Variants in ATXN3 observed in about 807,000 individuals in gnomAD.
The protein encoded by ATXN3 is ataxin-3.
ATXN3 carries 28 observed loss-of-function variants against 58.2 expected under a neutral mutation model. That is an observed-to-expected ratio of 0.48 (90% CI 0.36 to 0.66). The LOEUF (loss-of-function observed/expected upper bound fraction) is 0.66. Among genes scored for constraint, ATXN3 ranks in the 30% least tolerant of loss-of-function variants. ATXN3 has a pLI of 0.00. For synonymous variants in ATXN3, 113 were observed against 138.5 expected, an observed-to-expected ratio of 0.82 and a Z score of 1.29; for missense variants, 321 against 422.1, an observed-to-expected ratio of 0.76 and a Z score of 2.10.
At position 92,059,364 on chromosome 14, in the gene ATXN3, TATAAA is replaced by T. The variant is rs2057587525; in HGVS notation, c.*4951_*4955del. On this transcript the variant is annotated 3_prime_UTR_variant, in exon 11 of 11. Transcript: ENST00000644486. ...TTTTTTAAAGCAAAAAGATGCTGGTTATAAAGGGGCCAGAAATAAAAGAAAGTTTT... is the reference window on the plus strand; with the variant it reads ...TTTTTTAAAGCAAAAAGATGCTGGTTGGGGCCAGAAATAAAAGAAAGTTTT... The T allele has an allele frequency of 6.6e-6, 1 of 152,202 alleles. No homozygotes were observed. Among genetic ancestry groups the T allele is most frequent in the African/African-American group, 2.4e-5 (1 of 41,462 alleles). 9.4% of individuals were successfully genotyped at this position (152,202 alleles called of 1,614,324 possible). A position where few individuals can be genotyped will look rare whatever the true frequency, so the allele number is the denominator to read the frequency against.
intron 9 of ATXN3, among the ~76,000 whole-genome samples, chr14:92,078,690 T>C (rs1455477521): frequency 6.6e-6 from 1 of 152,186 alleles, no homozygotes; most frequent in Non-Finnish European, 1.5e-5. Context: ...ATTAACTAGA[T>C]AATTGATGAT....
Position 92,096,121 on chromosome 14 carries a change from A to C in ATXN3, c.206T>G (p.Met69Arg), listed in dbSNP as rs2065170762. ...RTFLQQPSGN[M>R]DDSGFFSIQV... is the part of the protein sequence containing the mutation. ...AATAGAGAAAAAACCACTGTCATCC[A>C]TATTTCCAGAAGGCTGCTGTTAATT... Residue 69 changes from methionine (M) to arginine (R), a missense_variant, in exon 3 of 11, where the codon ATG (methionine) becomes AGG (arginine). By Grantham distance (91) the Met-to-Arg change is moderately conservative (BLOSUM62 -1). This residue lies in a region of ATXN3 where 121 missense variants were observed against 198.9 expected (regional missense o/e 0.61). Coordinates refer to ENST00000644486, the MANE Select transcript of ATXN3 (RefSeq NM_004993.6). 2 of 1,404,530 alleles carry C rather than the reference A, an allele frequency of 1.4e-6. No individual in the cohort carries two copies. The highest frequency in any genetic ancestry group is 1.9e-5 in the Admixed American group (1 of 51,690). The allele number at this position is 1,404,530 out of a possible 1,614,324, so 87.0% of individuals were successfully genotyped here.
intron 10 of ATXN3, among the ~76,000 whole-genome samples, chr14:92,065,558 T>C (rs2058238519): frequency 7.3e-6 from 1 of 136,680 alleles, no homozygotes; most frequent in Non-Finnish European, 1.6e-5. Flanking sequence ...ATTGCGTCAG[T>C]GGAACAATGT....
upstream of ATXN3, among the ~76,000 whole-genome samples, chr14:92,051,714 C>CTTTTTTTTT (rs1309210142): frequency 2.8e-5 from 1 of 35,294 alleles, no homozygotes; most frequent in African/African-American, 9.4e-5. Flanking sequence ...TCTTCTTTTC[C>CTTTTTTTTT]TTTCTTTTTT....
rs56354799 is a variant in ATXN3 at position 92,099,071 on chromosome 14, A to G, written c.25-2233T>C. Among the ~76,000 whole-genome samples, 650 of 152,322 alleles carry G rather than the reference A, an allele frequency of 4.3e-3. 3 individuals carry two copies. Among genetic ancestry groups the G allele is most frequent in the African/African-American group, 0.015 (606 of 41,562 alleles). Reference sequence around the variant, plus strand: ...GATGGATCCCTCCCTGTGAACACAGACACCAGGTTTGCCCCTCCCTGAATT... The same window carrying G: ...GATGGATCCCTCCCTGTGAACACAGGCACCAGGTTTGCCCCTCCCTGAATT... On this transcript the variant is annotated intron_variant, in intron 1 of 10. Coordinates refer to ENST00000644486, the MANE Select transcript of ATXN3 (RefSeq NM_004993.6).
chr14:92,049,144 GA>G (rs1442130332), intron 1 of ATXN3, among the ~76,000 whole-genome samples: 1 of 152,190 alleles, frequency 6.6e-6, no homozygotes, highest in Admixed American at 6.5e-5. Flanking sequence ...GGTCAGGTGT[GA>G]GTTGAAGAGG....
At chr14:92,095,967 G>C in intron 3 of ATXN3, 126 bp downstream of exon 3, 1 of 795,410 alleles carries the variant, frequency 1.3e-6, no homozygotes, top group Non-Finnish European at 2.2e-6. Flanking sequence ...TAGTACTCTA[G>C]AGTATAATCT....
downstream of ATXN3, among the ~76,000 whole-genome samples, chr14:92,058,083 A>G (rs2057495769): frequency 6.6e-6 from 1 of 152,200 alleles, no homozygotes; most frequent in South Asian, 2.1e-4. Flanking sequence ...GAAAAGACTG[A>G]GGATCCAGTA....
At chr14:92,050,338 T>C (rs1192131004), upstream of ATXN3, 1 of 152,210 alleles carries the variant, frequency 6.6e-6, no homozygotes, top group African/African-American at 2.4e-5. Context: ...TTAAAAGACA[T>C]ACAAGTTTGA....
intron 1 of ATXN3, among the ~76,000 whole-genome samples, chr14:92,100,418 G>A (rs1344098215): frequency 6.6e-6 from 1 of 151,816 alleles, no homozygotes; most frequent in African/African-American, 2.4e-5. Context: ...ATTTGTAATG[G>A]ACCCCAAACT....
chr14:92,054,607 TCAGGG>T (rs1324885749), downstream of ATXN3, among the ~76,000 whole-genome samples: 2 of 152,242 alleles, frequency 1.3e-5, no homozygotes, highest in Non-Finnish European at 2.9e-5. Flanking sequence ...CCAGCAGCCC[TCAGGG>T]CTGCTCTGTC....
At chr14:92,091,221 C>T (rs950094475) in intron 5 of ATXN3, among the ~76,000 whole-genome samples, 10 of 152,114 alleles carry the variant, frequency 6.6e-5, no homozygotes, top group Non-Finnish European at 1.5e-4. Flanking sequence ...GAGGCAGAGA[C>T]GGACGGATCA....
chr14:92,079,401 T>C, intron 9 of ATXN3: 1 of 961,556 alleles, frequency 1.0e-6, no homozygotes, highest in Non-Finnish European at 1.2e-6. Flanking sequence ...GAATAAAGAC[T>C]AGAAATATCT....
chr14:92,080,803 T>G (rs1306948166), intron 9 of ATXN3, 162 bp downstream of exon 9: 4 of 651,554 alleles, frequency 6.1e-6, no homozygotes, highest in Non-Finnish European at 1.1e-5. Flanking sequence ...CCCAAACTGC[T>G]AGCATCACAG....
chr14:92,093,125 G>T, intron 5 of ATXN3, 127 bp downstream of exon 5: 1 of 516,808 alleles, frequency 1.9e-6, no homozygotes, highest in Non-Finnish European at 3.4e-6. Context: ...CAAACTCCTG[G>T]CTTCAAGTGA....
chr14:92,094,344 G>A (rs564063187), intron 3 of ATXN3, among the ~76,000 whole-genome samples: 1 of 152,256 alleles, frequency 6.6e-6, no homozygotes, highest in African/African-American at 2.4e-5. Flanking sequence ...TCTCTGAGAT[G>A]TTCCAGAAAA....
intron 1 of ATXN3, among the ~76,000 whole-genome samples, chr14:92,106,130 G>A (rs779080467): frequency 2.0e-5 from 3 of 152,170 alleles, no homozygotes; most frequent in Non-Finnish European, 4.4e-5. Flanking sequence ...AGGGTAGGAG[G>A]GGTTGAGGGA....
At chr14:92,053,537 C>T (rs1299515591), upstream of ATXN3, among the ~76,000 whole-genome samples, 1 of 149,642 alleles carries the variant, frequency 6.7e-6, no homozygotes, top group African/African-American at 2.5e-5. Flanking sequence ...CACTCTGTTG[C>T]CCAGGCTGGA....
chr14:92,093,045 ATTTATTTTTATT>A (rs869090647), intron 5 of ATXN3, among the ~76,000 whole-genome samples, 195 bp downstream of exon 5: 4 of 133,126 alleles, frequency 3.0e-5, no homozygotes, highest in Non-Finnish European at 3.2e-5. Context: ...TTTTTTTTTT[ATTTATTTTTATT>A]TTTATTTTTA....
Sources: allele counts gnomAD v4.1 joint callset (sites outside exome capture counted in the v4.1 genomes callset), GRCh38; gene constraint gnomAD v4.1.1; regional missense constraint gnomAD v4.1.1; transcripts MANE v1.5; gene names NCBI Gene and HGNC (gene_info 2026-07-23, HGNC 2026-07-21).